The following DDX10 variants were observed in gnomAD, a reference collection of about 807,000 sequenced individuals.
DDX10 encodes the protein DEAD-box helicase 10.
Under a neutral mutation model 104.3 loss-of-function variants are expected in DDX10, and 74 were observed. The ratio of observed to expected loss-of-function variants is 0.71; its 90% CI spans 0.59 to 0.86. The LOEUF (loss-of-function observed/expected upper bound fraction) is 0.86, where lower values mean the gene tolerates loss of function less well. DDX10 is among the 40% of genes least tolerant of loss of function. The probability of loss-of-function intolerance (pLI) is 0.00; values close to 1 mark genes in which losing one functional copy is unlikely to be tolerated. For missense variants in DDX10, 952 were observed against 1,040.0 expected (o/e 0.92, Z 1.16); for synonymous variants, 351 against 353.4 (o/e 0.99, Z 0.08).
intron 15 of DDX10, among the ~76,000 whole-genome samples, chr11:108,846,820 A>AACCAGACCAGACCAGAGCAG (rs1555032934): frequency 1.2e-4 from 18 of 149,860 alleles, no homozygotes; most frequent in African/African-American, 4.2e-4. Flanking sequence ...TTAGAGTACA[A>AACCAGACCAGACCAGAGCAG]ACCAGACCAG....
At chr11:108,795,294 T>TA (rs1491553912) in intron 13 of DDX10, among the ~76,000 whole-genome samples, 2 of 147,558 alleles carry the variant, frequency 1.4e-5, no homozygotes, top group Non-Finnish European at 3.0e-5. Flanking sequence ...TTTTTTTTTT[T>TA]ATGGGAGGGT....
chr11:108,691,885 C>G lies in DDX10; in HGVS notation c.985C>G (p.Leu329Val), dbSNP rs748209452. ...FFSSCKEVQY[L>V]YRVFCRLRPG... Reference sequence around the variant, plus strand: ...TCTGTTGATGCCCCAGGTCCAGTATCTGTACCGAGTGTTTTGCCGGCTACG... The same window carrying G: ...TCTGTTGATGCCCCAGGTCCAGTATGTGTACCGAGTGTTTTGCCGGCTACG... Residue 329 changes from leucine to valine, a missense_variant, in exon 8 of 18, where the codon CTG (leucine) becomes GTG (valine). Physicochemically the swap from Leu to Val is conservative, Grantham distance 32 (BLOSUM62 1). Around this residue, in one of 3 missense-constraint regions of DDX10, gnomAD observed 412 missense variants for 479.2 expected, o/e 0.86. Coordinates refer to ENST00000322536, the MANE Select transcript of DDX10 (RefSeq NM_004398.4). The G allele has an allele frequency of 1.9e-5, 30 of 1,613,756 alleles. No homozygotes were observed. Among genetic ancestry groups the G allele is most frequent in the Non-Finnish European group, 2.4e-5 (28 of 1,179,836 alleles).
At chr11:108,844,231 A>G (rs950226498) in intron 15 of DDX10, among the ~76,000 whole-genome samples, 1 of 152,198 alleles carries the variant, frequency 6.6e-6, no homozygotes, top group African/African-American at 2.4e-5. Flanking sequence ...CATACCTTCC[A>G]AATAGGATTT....
chr11:108,718,239 T>C (rs757669082), intron 11 of DDX10, among the ~76,000 whole-genome samples: 6 of 152,196 alleles, frequency 3.9e-5, no homozygotes, highest in Non-Finnish European at 7.3e-5. Context: ...GGTCTAGCTT[T>C]CTTGAGATCT....
At chr11:108,911,067 T>C (rs982817995) in intron 16 of DDX10, among the ~76,000 whole-genome samples, 4 of 152,184 alleles carry the variant, frequency 2.6e-5, no homozygotes, top group African/African-American at 9.7e-5. Context: ...TCGCTCTTGA[T>C]TGACTGCTCC....
At chr11:108,702,171 T>C (rs1373666200) in intron 9 of DDX10, among the ~76,000 whole-genome samples, 1 of 152,202 alleles carries the variant, frequency 6.6e-6, no homozygotes, top group Non-Finnish European at 1.5e-5. Flanking sequence ...GATATAGGTC[T>C]TAAAAACATA....
intron 16 of DDX10, among the ~76,000 whole-genome samples, chr11:108,889,934 G>T (rs1164047745): frequency 1.3e-5 from 2 of 152,134 alleles, no homozygotes; most frequent in African/African-American, 4.8e-5. Context: ...TACTTAAACA[G>T]GTTAAGGAAT....
At chr11:108,693,934 A>G (rs750932480) in intron 9 of DDX10, among the ~76,000 whole-genome samples, 1 of 152,216 alleles carries the variant, frequency 6.6e-6, no homozygotes, top group Non-Finnish European at 1.5e-5. Flanking sequence ...GTTATGTTCC[A>G]AGGTCCCAGT....
At chr11:108,870,759 T>TG (rs1863070868) in intron 16 of DDX10, among the ~76,000 whole-genome samples, 1 of 152,232 alleles carries the variant, frequency 6.6e-6, no homozygotes, top group Non-Finnish European at 1.5e-5. Flanking sequence ...AGTTTGTTGT[T>TG]GCTTGTTTTT....
chr11:108,829,837 G>A (rs969308634), intron 13 of DDX10, among the ~76,000 whole-genome samples: 3 of 152,276 alleles, frequency 2.0e-5, no homozygotes, highest in South Asian at 2.1e-4. Context: ...GTCGAATAGT[G>A]TGTGCTTTCC....
chr11:108,709,732 G>T, intron 10 of DDX10, among the ~76,000 whole-genome samples: 1 of 150,902 alleles, frequency 6.6e-6, no homozygotes, highest in Non-Finnish European at 1.5e-5. Context: ...ACCAGCTCTT[G>T]GTTTAATTTT....
intron 16 of DDX10, among the ~76,000 whole-genome samples, chr11:108,889,904 A>T (rs1187352499): frequency 6.6e-6 from 1 of 152,206 alleles, no homozygotes; most frequent in Non-Finnish European, 1.5e-5. Context: ...GCAACATACC[A>T]ATTCTTTAAT....
chr11:108,688,525 A>G (rs1169291071), intron 6 of DDX10, among the ~76,000 whole-genome samples: 2 of 152,204 alleles, frequency 1.3e-5, no homozygotes, highest in African/African-American at 4.8e-5. Flanking sequence ...TTCTTTTGGC[A>G]TAAAATTTGT....
intron 16 of DDX10, among the ~76,000 whole-genome samples, chr11:108,886,844 C>T (rs1283324559): frequency 6.6e-6 from 1 of 152,218 alleles, no homozygotes; most frequent in Non-Finnish European, 1.5e-5. Flanking sequence ...TGACTGATCT[C>T]ACCCATTGCT....
chr11:108,677,908 G>A (rs567167266), intron 4 of DDX10, among the ~76,000 whole-genome samples: 8 of 151,812 alleles, frequency 5.3e-5, no homozygotes, highest in Admixed American at 6.6e-5. Context: ...AGAGAACCTC[G>A]GCTTTTTTCA....
At chr11:108,908,747 T>A (rs1863629783) in intron 16 of DDX10, among the ~76,000 whole-genome samples, 1 of 152,224 alleles carries the variant, frequency 6.6e-6, no homozygotes, top group Non-Finnish European at 1.5e-5. Flanking sequence ...TGTACTTTGC[T>A]GAGTTCTGGG....
intron 10 of DDX10, among the ~76,000 whole-genome samples, chr11:108,710,484 A>T (rs1203484847): frequency 6.6e-6 from 1 of 151,870 alleles, no homozygotes; most frequent in African/African-American, 2.4e-5. Context: ...AGGCCTACAC[A>T]GGGTCAGGAT....
chr11:108,857,523 T>G (rs2134610347), intron 16 of DDX10, among the ~76,000 whole-genome samples: 1 of 152,338 alleles, frequency 6.6e-6, no homozygotes. Context: ...TCTCTCTCTC[T>G]TTGGCTCTGG....
chr11:108,779,827 T>C, intron 13 of DDX10, among the ~76,000 whole-genome samples: 1 of 152,164 alleles, frequency 6.6e-6, no homozygotes, highest in African/African-American at 2.4e-5. Context: ...TCCTTGAGAG[T>C]CTGTTTTTTG....
Sources: allele counts gnomAD v4.1 joint callset (sites outside exome capture counted in the v4.1 genomes callset), GRCh38; gene constraint gnomAD v4.1.1; regional missense constraint gnomAD v4.1.1; transcripts MANE v1.5; gene names NCBI Gene and HGNC (gene_info 2026-07-23, HGNC 2026-07-21).